The following CRPPA variants were observed in gnomAD, a reference collection of about 807,000 sequenced individuals.
CRPPA encodes the protein CDP-L-ribitol pyrophosphorylase A.
CRPPA carries 43 observed loss-of-function variants against 52.0 expected under a neutral mutation model. That is an observed-to-expected ratio of 0.83 (90% confidence interval 0.65 to 1.07). The LOEUF is 1.07. Among genes scored for constraint, CRPPA ranks in the 50% least tolerant of loss-of-function variants. CRPPA has a pLI of 0.00. For missense variants in CRPPA, 629 were observed against 551.7 expected (o/e 1.14, Z -1.40); for synonymous variants, 250 against 203.5 (o/e 1.23, Z -1.94).
chr7:16,181,310 A>G (rs1292671203), intron 9 of CRPPA, among the ~76,000 whole-genome samples: 1 of 151,992 alleles, frequency 6.6e-6, no homozygotes, highest in African/African-American at 2.4e-5. Context: ...TTCCTTTCCA[A>G]ATGAATTTAA....
At chr7:16,360,514 T>C (rs1456210568) in intron 3 of CRPPA, among the ~76,000 whole-genome samples, 2 of 152,084 alleles carry the variant, frequency 1.3e-5, no homozygotes, top group Non-Finnish European at 2.9e-5. Flanking sequence ...GCAGTAGTAG[T>C]AGTAAGTAGT....
intron 8 of CRPPA, among the ~76,000 whole-genome samples, chr7:16,244,184 G>T (rs1026830669): frequency 3.3e-5 from 5 of 151,556 alleles, no homozygotes; most frequent in African/African-American, 4.9e-5. Flanking sequence ...TTCTGTAAGT[G>T]GATCTTAGAA....
intron 2 of CRPPA, among the ~76,000 whole-genome samples, chr7:16,403,213 C>A (rs1787868323): frequency 6.6e-6 from 1 of 151,938 alleles, no homozygotes; most frequent in Admixed American, 6.6e-5. Context: ...CAGAAATAAC[C>A]CTGATGGAAT....
chr7:16,207,436 C>G (rs747217478), intron 9 of CRPPA, among the ~76,000 whole-genome samples: 6 of 152,182 alleles, frequency 3.9e-5, no homozygotes, highest in Non-Finnish European at 8.8e-5. Flanking sequence ...CAAGCATGAA[C>G]GTGATGCTCT....
At chr7:16,137,429 G>A (rs1782783152) in intron 9 of CRPPA, among the ~76,000 whole-genome samples, 1 of 152,152 alleles carries the variant, frequency 6.6e-6, no homozygotes, top group African/African-American at 2.4e-5. Flanking sequence ...ATAAATGGAT[G>A]AAGGAAAATA....
chr7:16,093,453 A>G (rs1239787079), intron 9 of CRPPA, among the ~76,000 whole-genome samples: 2 of 152,158 alleles, frequency 1.3e-5, no homozygotes, highest in African/African-American at 2.4e-5. Context: ...TTCCTCAGCT[A>G]TGAGGATGAC....
At chr7:16,405,828 T>C (rs1354192119) in intron 2 of CRPPA, among the ~76,000 whole-genome samples, 1 of 152,212 alleles carries the variant, frequency 6.6e-6, no homozygotes, top group Non-Finnish European at 1.5e-5. Context: ...ATAACATTAA[T>C]ACATTCTTCT....
intron 2 of CRPPA, among the ~76,000 whole-genome samples, chr7:16,404,153 A>G (rs1787895672): frequency 6.6e-6 from 1 of 152,172 alleles, no homozygotes; most frequent in African/African-American, 2.4e-5. Context: ...ATGTTTTAAC[A>G]CCAACAAAAA....
At chr7:16,179,717 C>T (rs573901747) in intron 9 of CRPPA, among the ~76,000 whole-genome samples, 1 of 152,080 alleles carries the variant, frequency 6.6e-6, no homozygotes, top group African/African-American at 2.4e-5. Context: ...TGTTTGAAGC[C>T]ACTGGGTTTG....
intron 6 of CRPPA, among the ~76,000 whole-genome samples, chr7:16,259,998 T>C (rs1311610575): frequency 6.6e-6 from 1 of 152,032 alleles, no homozygotes; most frequent in Non-Finnish European, 1.5e-5. Flanking sequence ...TTAAAATTCA[T>C]ATTGAGCATA....
intron 4 of CRPPA, among the ~76,000 whole-genome samples, chr7:16,308,163 T>A (rs992618844): frequency 2.0e-5 from 3 of 152,098 alleles, no homozygotes; most frequent in Non-Finnish European, 2.9e-5. Flanking sequence ...CCACTATGCT[T>A]CCTATGCAGC....
At chr7:16,137,619 A>C (rs565578689) in intron 9 of CRPPA, among the ~76,000 whole-genome samples, 63 of 152,310 alleles carry the variant, frequency 4.1e-4, no homozygotes, top group African/African-American at 1.3e-3. Context: ...TATGATTAAG[A>C]ATACTATATA....
At chr7:16,305,465 G>A (rs1784887815) in intron 4 of CRPPA, among the ~76,000 whole-genome samples, 1 of 152,164 alleles carries the variant, frequency 6.6e-6, no homozygotes, top group Non-Finnish European at 1.5e-5. Context: ...ATTCCATGTG[G>A]AAAGTGATGC....
At chr7:16,329,374 T>A (rs949690029) in intron 3 of CRPPA, among the ~76,000 whole-genome samples, 1 of 139,046 alleles carries the variant, frequency 7.2e-6, no homozygotes, top group African/African-American at 2.6e-5. Context: ...AGATTCTTAT[T>A]AAAATTGTAA....
chr7:16,266,049 A>G (rs531630334), intron 6 of CRPPA, among the ~76,000 whole-genome samples: 2 of 152,304 alleles, frequency 1.3e-5, no homozygotes, highest in South Asian at 4.1e-4. Flanking sequence ...GTAATTCTAC[A>G]TGTCCCAAAG....
chr7:16,401,690 T>A (rs1176306974), intron 2 of CRPPA, among the ~76,000 whole-genome samples: 1 of 152,228 alleles, frequency 6.6e-6, no homozygotes, highest in Non-Finnish European at 1.5e-5. Context: ...TTTCTCCACA[T>A]TCCAACTTAC....
rs1303371202 is a variant in CRPPA at position 16,165,352 on chromosome 7, C to T, written c.1251+50714G>A. ...TTAGATTATAAAACAAGCAAACTAG[C>T]AACAATACTAGAAGCTTAATATATT... On this transcript the variant is annotated intron_variant, in intron 9 of 9. Coordinates refer to ENST00000407010, the MANE Select transcript of CRPPA (RefSeq NM_001101426.4). Among the ~76,000 whole-genome samples the T allele has an allele frequency of 2.6e-5, 4 of 152,058 alleles. No individual in the cohort carries two copies. The East Asian group carries it at 5.8e-4, about 22-fold the overall frequency.
At chr7:16,109,323 T>C (rs1182765115) in intron 9 of CRPPA, among the ~76,000 whole-genome samples, 1 of 151,746 alleles carries the variant, frequency 6.6e-6, no homozygotes, top group African/African-American at 2.4e-5. Flanking sequence ...AATGCATAAA[T>C]TCCTAGATAC....
intron 8 of CRPPA, among the ~76,000 whole-genome samples, chr7:16,238,857 T>C (rs1783022044): frequency 6.6e-6 from 1 of 151,936 alleles, no homozygotes. Context: ...GCCATTTAGG[T>C]CTGGGCACAG....
Sources: allele counts gnomAD v4.1 joint callset (sites outside exome capture counted in the v4.1 genomes callset), GRCh38; gene constraint gnomAD v4.1.1; transcripts MANE v1.5; gene names NCBI Gene and HGNC (gene_info 2026-07-23, HGNC 2026-07-21).